Variants in LRMDA observed in about 807,000 individuals in gnomAD.
LRMDA encodes leucine-rich melanocyte differentiation-associated protein.
LRMDA carries 18 observed loss-of-function variants against 29.8 expected under a neutral mutation model. The observed-to-expected ratio is 0.60, with a 90% CI of 0.42 to 0.90. The LOEUF is 0.90. LRMDA is among the 40% of genes least tolerant of loss of function. LRMDA has a pLI of 0.00. For missense variants in LRMDA, 273 were observed against 273.9 expected, an observed-to-expected ratio of 1.00 and a Z score of 0.02; for synonymous variants, 125 against 109.4, an observed-to-expected ratio of 1.14 and a Z score of -0.89.
chr10:75,532,955 C>G (rs937437914), intron 2 of LRMDA, among the ~76,000 whole-genome samples: 1 of 152,156 alleles, frequency 6.6e-6, no homozygotes, highest in Non-Finnish European at 1.5e-5. Context: ...GGGGCTCACT[C>G]TCTCGTGGGA....
chr10:76,154,703 A>T (rs545397917), intron 5 of LRMDA, among the ~76,000 whole-genome samples: 1 of 152,278 alleles, frequency 6.6e-6, no homozygotes, highest in African/African-American at 2.4e-5. Flanking sequence ...CTTCTGATAT[A>T]TTGGATTATT....
At chr10:76,381,489 C>T (rs1054521055) in intron 6 of LRMDA, among the ~76,000 whole-genome samples, 1 of 152,024 alleles carries the variant, frequency 6.6e-6, no homozygotes, top group Non-Finnish European at 1.5e-5. Context: ...TAATTGTGCC[C>T]TGTATTTACC....
intron 5 of LRMDA, among the ~76,000 whole-genome samples, chr10:76,141,163 G>A (rs1224396829): frequency 6.6e-6 from 1 of 152,028 alleles, no homozygotes; most frequent in Non-Finnish European, 1.5e-5. Flanking sequence ...ACTTTCAGAA[G>A]AGGAGGGAAA....
intron 2 of LRMDA, among the ~76,000 whole-genome samples, chr10:75,470,370 G>A (rs1844711034): frequency 1.3e-5 from 2 of 152,186 alleles, no homozygotes; most frequent in South Asian, 4.1e-4. Flanking sequence ...GGTGGCAGGT[G>A]CCTGTAATTC....
At chr10:75,898,052 C>A (rs1399960087) in intron 2 of LRMDA, among the ~76,000 whole-genome samples, 1 of 152,028 alleles carries the variant, frequency 6.6e-6, no homozygotes, top group Non-Finnish European at 1.5e-5. Flanking sequence ...TCTTGAACTC[C>A]TGACCTCATG....
In LRMDA at chr10:75,923,665, G is replaced by T. The variant is rs917282349; in HGVS notation, c.132-112343G>T. Among the ~76,000 whole-genome samples, 12 of 152,092 alleles carry T rather than the reference G, an allele frequency of 7.9e-5. 1 individual carries two copies. The highest frequency in any genetic ancestry group is 4.4e-5 in the Non-Finnish European group (3 of 68,020). ...TTTTTAGATCAATGCCATTTTTTAT[G>T]TGTTGCTCATGCATGGAAGAGCTCT... is the stretch of plus-strand genomic sequence containing the variant. On this transcript the variant is annotated intron_variant, in intron 2 of 6. Coordinates refer to ENST00000611255, the MANE Select transcript of LRMDA (RefSeq NM_001305581.2).
intron 5 of LRMDA, among the ~76,000 whole-genome samples, chr10:76,112,693 C>G (rs994848303): frequency 0.14 from 19 of 132 alleles, no homozygotes; most frequent in Non-Finnish European, 0.24. Context: ...TAGGTAGGTC[C>G]GGCTCCCGGA....
intron 2 of LRMDA, among the ~76,000 whole-genome samples, chr10:75,506,019 C>T (rs1845165211): frequency 6.6e-6 from 1 of 152,148 alleles, no homozygotes. Context: ...GTGAGAAAAC[C>T]TGCGGTGAAC....
chr10:76,504,947 T>C (rs1589217656), intron 6 of LRMDA, among the ~76,000 whole-genome samples: 1 of 152,112 alleles, frequency 6.6e-6, no homozygotes, highest in East Asian at 1.9e-4. Flanking sequence ...CATTCTTTTG[T>C]TTCCATGTAT....
chr10:75,585,614 C>T (rs1221245345), intron 2 of LRMDA, among the ~76,000 whole-genome samples: 1 of 152,182 alleles, frequency 6.6e-6, no homozygotes, highest in African/African-American at 2.4e-5. Flanking sequence ...AGGGATGAAA[C>T]TTCTACTTAT....
chr10:75,867,173 T>A (rs1845033746), intron 2 of LRMDA, among the ~76,000 whole-genome samples: 2 of 151,686 alleles, frequency 1.3e-5, no homozygotes, highest in Non-Finnish European at 2.9e-5. Flanking sequence ...AGATTTTTAT[T>A]TTTTTTTTGA....
At chr10:76,425,646 A>G (rs1439382806) in intron 6 of LRMDA, among the ~76,000 whole-genome samples, 3 of 151,876 alleles carry the variant, frequency 2.0e-5, no homozygotes, top group Non-Finnish European at 4.4e-5. Context: ...GTACATGTGC[A>G]CAATGTTCAA....
chr10:75,852,408 C>T (rs1844746782), intron 2 of LRMDA, among the ~76,000 whole-genome samples: 1 of 152,030 alleles, frequency 6.6e-6, no homozygotes, highest in African/African-American at 2.4e-5. Context: ...TAAAAAACAA[C>T]ACTTTTTGGA....
At chr10:76,165,300 T>C (rs1002899072) in intron 5 of LRMDA, among the ~76,000 whole-genome samples, 1 of 151,536 alleles carries the variant, frequency 6.6e-6, no homozygotes, top group South Asian at 2.1e-4. Context: ...TGAGACAGAG[T>C]CTTGCTCTGT....
At chr10:76,218,663 G>A (rs1249760857) in intron 5 of LRMDA, among the ~76,000 whole-genome samples, 1 of 152,154 alleles carries the variant, frequency 6.6e-6, no homozygotes, top group African/African-American at 2.4e-5. Context: ...GGTCATCCAG[G>A]TGGGTTCCAG....
At chr10:75,781,974 T>C (rs1843391271) in intron 2 of LRMDA, among the ~76,000 whole-genome samples, 1 of 152,210 alleles carries the variant, frequency 6.6e-6, no homozygotes, top group Admixed American at 6.5e-5. Context: ...GTCTTGGCTA[T>C]CTCCTGCCTC....
chr10:75,515,377 A>T (rs1589165962), intron 2 of LRMDA, among the ~76,000 whole-genome samples: 2 of 152,168 alleles, frequency 1.3e-5, no homozygotes, highest in African/African-American at 4.8e-5. Context: ...TTTAATTAAA[A>T]AAATTTTATT....
rs576296392 is a variant in LRMDA at position 76,516,740 on chromosome 10, C to T, written c.602-40469C>T. Among the ~76,000 whole-genome samples, 30 of 152,216 alleles carry T rather than the reference C, an allele frequency of 2.0e-4. No homozygotes were observed. In the South Asian group the frequency reaches 4.2e-3, roughly 21 times the overall value. On this transcript the variant is annotated intron_variant, in intron 6 of 6. Transcript: ENST00000611255. ...GCCACATTTTCTTAATCCAGTCTATCGTTGTTGGACATTTGGGTTGGTTCC... is the reference window on the plus strand; with the variant it reads ...GCCACATTTTCTTAATCCAGTCTATTGTTGTTGGACATTTGGGTTGGTTCC...
In LRMDA at chr10:76,557,557, C is replaced by T; in HGVS notation, c.*269C>T. 2.0e-6 allele frequency: 1 copy of T among 511,462 alleles called. No individual in the cohort carries two copies. Among genetic ancestry groups the T allele is most frequent in the Non-Finnish European group, 3.5e-6 (1 of 284,784 alleles). The allele number at this position is 511,462 out of a possible 1,614,324, so 31.7% of individuals were successfully genotyped here. Reference sequence around the variant, plus strand: ...GTGACAGACAGCGGTGGCAAAGCAACAGGGCTGACAGCATGAACACCATGA... The same window carrying T: ...GTGACAGACAGCGGTGGCAAAGCAATAGGGCTGACAGCATGAACACCATGA... On this transcript the variant is annotated 3_prime_UTR_variant, in exon 7 of 7. Transcript: ENST00000611255.
Sources: gnomAD v4.1 joint callset for allele counts (sites outside exome capture counted in the v4.1 genomes callset) on GRCh38, gnomAD v4.1.1 for gene constraint, MANE v1.5 for transcripts, NCBI Gene and HGNC (gene_info 2026-07-23, HGNC 2026-07-21) for gene names.